JCHAIN: variants seen among roughly 807,000 people sequenced by gnomAD.
JCHAIN encodes immunoglobulin J chain.
A neutral mutation model predicts 11.1 loss-of-function variants in JCHAIN; 5 were observed. That is an observed-to-expected ratio of 0.45 (90% CI 0.24 to 0.95). The LOEUF (loss-of-function observed/expected upper bound fraction) is 0.95. Ranked by LOEUF, JCHAIN falls within the 40% of genes least tolerant of loss-of-function variation. JCHAIN has a pLI of 0.21. For missense variants in JCHAIN, 165 were observed against 192.7 expected (o/e 0.86, Z 0.85); for synonymous variants, 51 against 67.8 (o/e 0.75, Z 1.22).
At chr4:70,664,198 G>A (rs192410414) in intron 1 of JCHAIN, 22 of 151,970 alleles carry the variant, frequency 1.4e-4, no homozygotes, top group African/African-American at 4.6e-4. Flanking sequence ...CTCCACTCCA[G>A]CTTGGGCAAC....
intron 2 of JCHAIN, among the ~76,000 whole-genome samples, chr4:70,658,045 C>A (rs983436940): frequency 6.6e-6 from 1 of 152,074 alleles, no homozygotes; most frequent in African/African-American, 2.4e-5. Context: ...CAACAAAAAC[C>A]TTGTGTTTCC....
At chr4:70,662,027 A>C in intron 2 of JCHAIN, 65 bp downstream of exon 2, 1 of 1,501,404 alleles carries the variant, frequency 6.7e-7, no homozygotes, top group Non-Finnish European at 9.2e-7. Context: ...CATTCAAACA[A>C]TGCTCAGTGT....
Position 70,662,148 on chromosome 4 carries a change from G to T in JCHAIN, c.132C>A (p.Ile44=). 3 of 1,612,650 alleles carry T rather than the reference G, an allele frequency of 1.9e-6. No homozygotes were observed. Among genetic ancestry groups the T allele is most frequent in the Non-Finnish European group, 1.7e-6 (2 of 1,178,676 alleles). Reference sequence around the variant, plus strand: ...CATTAGGATCTTCGGAAGAACGGATGATCCTGGAAGTAATCCGGGCACACT... The same window carrying T: ...CATTAGGATCTTCGGAAGAACGGATTATCCTGGAAGTAATCCGGGCACACT... ...KCKCARITSR[I]IRSSEDPNED... Residue 44 remains isoleucine (I), a synonymous_variant, in exon 2 of 4, where the codon ATC becomes ATA. Coordinates refer to ENST00000254801, the MANE Select transcript of JCHAIN (RefSeq NM_144646.4).
chr4:70,660,598 C>T (rs1055824093), intron 2 of JCHAIN, among the ~76,000 whole-genome samples: 30 of 151,886 alleles, frequency 2.0e-4, no homozygotes, highest in Admixed American at 1.4e-3. Context: ...TGGCCAGGCT[C>T]GTCTCAAACT....
chr4:70,657,273 C>T lies in JCHAIN; in HGVS notation c.207G>A (p.Arg69=). The change falls in exon 3 of 4, where the codon AGG becomes AGA. Residue 69 remains arginine, a synonymous_variant. Transcript: ENST00000254801. ...GTGAGGTGGGATCAGAGATATTCTC[C>T]CTGTTGTTCAGAGGAACACTAAAAG... The part of the protein sequence containing the change: ...NIRIIVPLNN[R]ENISDPTSPL... The T allele has an allele frequency of 6.3e-7, 1 of 1,597,670 alleles. No homozygotes were observed. The highest frequency in any genetic ancestry group is 8.6e-7 in the Non-Finnish European group (1 of 1,165,816).
intron 1 of JCHAIN, among the ~76,000 whole-genome samples, chr4:70,663,780 C>T (rs1317086778): frequency 6.7e-6 from 1 of 149,136 alleles, no homozygotes; most frequent in Non-Finnish European, 1.5e-5. Context: ...AGGCTGGTCT[C>T]GAACTCCTGA....
chr4:70,658,930 A>G (rs73824832), intron 2 of JCHAIN, among the ~76,000 whole-genome samples: 3,407 of 152,268 alleles, frequency 0.022, 115 homozygotes, highest in African/African-American at 0.072. Context: ...TAAGAAATGG[A>G]CTATATTTTA....
chr4:70,660,980 C>T (rs1465723985), intron 2 of JCHAIN, among the ~76,000 whole-genome samples: 1 of 152,104 alleles, frequency 6.6e-6, no homozygotes, highest in African/African-American at 2.4e-5. Context: ...TTTTTTTCCT[C>T]ATTTAAAGAT....
At chr4:70,666,323 G>A (rs1280569213) in intron 1 of JCHAIN, 104 bp downstream of exon 1, 2 of 708,914 alleles carry the variant, frequency 2.8e-6, no homozygotes, top group East Asian at 2.7e-5. Context: ...AAAGTAGCTG[G>A]CTAACTGGCC....
At chr4:70,659,669 C>T (rs913924986) in intron 2 of JCHAIN, among the ~76,000 whole-genome samples, 2 of 150,558 alleles carry the variant, frequency 1.3e-5, no homozygotes, top group Non-Finnish European at 2.9e-5. Context: ...CGAGACTAGC[C>T]TGGCCAACAT....
At chr4:70,662,355 G>T in intron 1 of JCHAIN, 140 bp from the exon 2 acceptor site, 1 of 706,216 alleles carries the variant, frequency 1.4e-6, no homozygotes, top group Non-Finnish European at 2.3e-6. Context: ...TGTTCTCTAA[G>T]CAGAATCTTA....
Position 70,656,301 on chromosome 4 carries a change from A to C in JCHAIN, c.*28T>G. 1 of 1,452,232 alleles carries C rather than the reference A, an allele frequency of 6.9e-7. No individual in the cohort carries two copies. The allele number at this position is 1,452,232 out of a possible 1,614,324, so 90.0% of individuals were successfully genotyped here. A position where few individuals can be genotyped will look rare whatever the true frequency, so the allele number is the denominator to read the frequency against. On this transcript the variant is annotated 3_prime_UTR_variant, in exon 4 of 4. Coordinates refer to ENST00000254801, the MANE Select transcript of JCHAIN (RefSeq NM_144646.4). ...CAAAATGGAGAGCCTCTCAAGAAAA[A>C]GAGCTATGCAGTCAGCAATGACTTA...
chr4:70,660,378 AT>A (rs11290121), intron 2 of JCHAIN, among the ~76,000 whole-genome samples: 11,649 of 134,160 alleles, frequency 0.087, 1,317 homozygotes, highest in African/African-American at 0.28. Flanking sequence ...GCAGTGCTGA[AT>A]TTTTTTTTTT....
At chr4:70,660,236 A>T (rs1044114194) in intron 2 of JCHAIN, among the ~76,000 whole-genome samples, 4 of 152,198 alleles carry the variant, frequency 2.6e-5, no homozygotes, top group Non-Finnish European at 5.9e-5. Flanking sequence ...TCCTAGAGGA[A>T]GTGATGGCTG....
intron 2 of JCHAIN, among the ~76,000 whole-genome samples, chr4:70,661,048 A>G (rs1303228509): frequency 1.3e-5 from 2 of 152,212 alleles, no homozygotes; most frequent in Non-Finnish European, 2.9e-5. Flanking sequence ...CACAACTATT[A>G]AGTGTCCCAG....
At chr4:70,661,294 GTGAAA>G (rs897202763) in intron 2 of JCHAIN, among the ~76,000 whole-genome samples, 1 of 152,210 alleles carries the variant, frequency 6.6e-6, no homozygotes, top group African/African-American at 2.4e-5. Context: ...TGGACTGTGT[GTGAAA>G]TGAAATGAAT....
intron 2 of JCHAIN, among the ~76,000 whole-genome samples, chr4:70,660,465 C>A (rs973380121): frequency 6.6e-6 from 1 of 150,396 alleles, no homozygotes; most frequent in African/African-American, 2.5e-5. Context: ...CTGACTGCAA[C>A]CTCCGCCTTC....
chr4:70,656,302 G>C lies in JCHAIN; in HGVS notation c.*27C>G, dbSNP rs1738950018. On this transcript the variant is annotated 3_prime_UTR_variant, in exon 4 of 4. Transcript: ENST00000254801. ...AAAATGGAGAGCCTCTCAAGAAAAAGAGCTATGCAGTCAGCAATGACTTAA... is the reference window on the plus strand; with the variant it reads ...AAAATGGAGAGCCTCTCAAGAAAAACAGCTATGCAGTCAGCAATGACTTAA... 6.8e-7 allele frequency: 1 copy of C among 1,469,066 alleles called. No homozygotes were observed. The highest frequency in any genetic ancestry group is 1.4e-5 in the African/African-American group (1 of 71,816). The allele number at this position is 1,469,066 out of a possible 1,614,324, so 91.0% of individuals were successfully genotyped here.
At chr4:70,660,545 G>A (rs918787022) in intron 2 of JCHAIN, among the ~76,000 whole-genome samples, 4 of 151,814 alleles carry the variant, frequency 2.6e-5, no homozygotes, top group Admixed American at 6.6e-5. Context: ...CACCACGCCC[G>A]GATAATTTTT....
Sources: gnomAD v4.1 joint callset for allele counts (sites outside exome capture counted in the v4.1 genomes callset) on GRCh38, gnomAD v4.1.1 for gene constraint, MANE v1.5 for transcripts, NCBI Gene and HGNC (gene_info 2026-07-23, HGNC 2026-07-21) for gene names.